The following RSBN1 variants were observed in gnomAD, a reference collection of about 807,000 sequenced individuals.
RSBN1 encodes round spermatid basic protein 1, also known as lysine-specific demethylase 9.
A neutral mutation model predicts 74.8 loss-of-function variants in RSBN1; 23 were observed. The observed-to-expected ratio is 0.31, with a 90% confidence interval of 0.22 to 0.44. The LOEUF is 0.44. Ranked by LOEUF, RSBN1 falls within the 20% of genes least tolerant of loss-of-function variation. The pLI is 1.00. For synonymous variants in RSBN1, 407 were observed against 379.6 expected (o/e 1.07, Z -0.84); for missense variants, 808 against 1,020.9 (o/e 0.79, Z 2.84).
intron 1 of RSBN1, among the ~76,000 whole-genome samples, chr1:113,804,338 T>G (rs1660654799): frequency 6.6e-6 from 1 of 152,314 alleles, no homozygotes; most frequent in East Asian, 1.9e-4. Flanking sequence ...TATTTTATTT[T>G]AATCCTCAAA....
intron 1 of RSBN1, among the ~76,000 whole-genome samples, chr1:113,803,311 A>C (rs1168619371): frequency 6.6e-6 from 1 of 152,214 alleles, no homozygotes; most frequent in Non-Finnish European, 1.5e-5. Flanking sequence ...ATGAACACCT[A>C]TCTACAGGTT....
At chr1:113,806,608 T>C (rs1217794248) in intron 1 of RSBN1, among the ~76,000 whole-genome samples, 1 of 151,570 alleles carries the variant, frequency 6.6e-6, no homozygotes, top group Non-Finnish European at 1.5e-5. Context: ...GTATGTTAGA[T>C]ATGATGCCAA....
intron 4 of RSBN1, among the ~76,000 whole-genome samples, chr1:113,773,440 T>C (rs1659919602): frequency 6.6e-6 from 1 of 151,964 alleles, no homozygotes; most frequent in South Asian, 2.1e-4. Context: ...ATGAGATCAC[T>C]TGAACCCGGG....
chr1:113,773,849 A>G (rs1331056235), intron 4 of RSBN1, among the ~76,000 whole-genome samples: 1 of 151,972 alleles, frequency 6.6e-6, no homozygotes, highest in Non-Finnish European at 1.5e-5. Flanking sequence ...CTAAAAATAC[A>G]AAAGTTAGCT....
intron 1 of RSBN1, among the ~76,000 whole-genome samples, chr1:113,806,319 C>G (rs1234964375): frequency 6.8e-6 from 1 of 146,526 alleles, no homozygotes; most frequent in Admixed American, 6.9e-5. Context: ...TGGCACAGAG[C>G]GAGACTCTGT....
At chr1:113,799,936 G>T (rs1660548645) in intron 1 of RSBN1, among the ~76,000 whole-genome samples, 3 of 151,870 alleles carry the variant, frequency 2.0e-5, no homozygotes, top group Admixed American at 2.0e-4. Flanking sequence ...CCAAACAATC[G>T]TTTTTTCTAA....
intron 4 of RSBN1, among the ~76,000 whole-genome samples, chr1:113,771,710 T>C (rs1204526514): frequency 7.0e-6 from 1 of 143,496 alleles, no homozygotes; most frequent in Non-Finnish European, 1.5e-5. Flanking sequence ...TCTAACCCTA[T>C]AAGCAGTAAG....
At chr1:113,768,168 C>T (rs983862401) in intron 5 of RSBN1, 54 bp downstream of exon 5, 4 of 1,435,470 alleles carry the variant, frequency 2.8e-6, no homozygotes, top group Non-Finnish European at 3.7e-6. Context: ...AAATAGAGTC[C>T]ACATTGTCTT....
chr1:113,803,351 G>A (rs374480345), intron 1 of RSBN1, among the ~76,000 whole-genome samples: 1 of 152,116 alleles, frequency 6.6e-6, no homozygotes, highest in Non-Finnish European at 1.5e-5. Context: ...TCAGCTCCTC[G>A]GGGTAAATAT....
At chr1:113,795,837 C>T (rs1456827506) in intron 2 of RSBN1, among the ~76,000 whole-genome samples, 2 of 152,106 alleles carry the variant, frequency 1.3e-5, no homozygotes, top group Non-Finnish European at 2.9e-5. Flanking sequence ...AAATTTGATC[C>T]ACTTTAACTA....
At chr1:113,810,404 C>T (rs990555330) in intron 1 of RSBN1, among the ~76,000 whole-genome samples, 1 of 151,790 alleles carries the variant, frequency 6.6e-6, no homozygotes, top group African/African-American at 2.4e-5. Context: ...CACACACACA[C>T]ACACACACAC....
intron 1 of RSBN1, among the ~76,000 whole-genome samples, chr1:113,803,550 T>C (rs1660633887): frequency 6.6e-6 from 1 of 152,230 alleles, no homozygotes; most frequent in Non-Finnish European, 1.5e-5. Flanking sequence ...TATCTCATTA[T>C]AAAATTAGTG....
chr1:113,774,050 C>T (rs962223376), intron 4 of RSBN1, among the ~76,000 whole-genome samples: 1 of 152,008 alleles, frequency 6.6e-6, no homozygotes, highest in Admixed American at 6.6e-5. Flanking sequence ...CACAAACATA[C>T]ATATCTACCA....
intron 2 of RSBN1, among the ~76,000 whole-genome samples, chr1:113,791,750 G>A (rs1571304879): frequency 6.6e-6 from 1 of 150,776 alleles, no homozygotes. Context: ...TTTTATTTAT[G>A]CCATTTTATT....
chr1:113,806,464 G>C (rs1660701022), intron 1 of RSBN1, among the ~76,000 whole-genome samples: 1 of 151,584 alleles, frequency 6.6e-6, no homozygotes, highest in Non-Finnish European at 1.5e-5. Flanking sequence ...TAGGCAAGAA[G>C]AAAAAAAATG....
At chr1:113,789,048 C>G (rs1484253309) in intron 2 of RSBN1, among the ~76,000 whole-genome samples, 2 of 152,106 alleles carry the variant, frequency 1.3e-5, no homozygotes, top group African/African-American at 4.8e-5. Context: ...TCCTAAACTC[C>G]TTGTTATCTC....
intron 4 of RSBN1, among the ~76,000 whole-genome samples, chr1:113,773,029 G>A (rs957463559): frequency 6.6e-6 from 1 of 151,660 alleles, no homozygotes; most frequent in Non-Finnish European, 1.5e-5. Context: ...AAAAACTTCT[G>A]TAAGTAAAGA....
At chr1:113,788,461 A>G (rs1308192363) in intron 2 of RSBN1, among the ~76,000 whole-genome samples, 2 of 152,054 alleles carry the variant, frequency 1.3e-5, no homozygotes, top group Non-Finnish European at 2.9e-5. Context: ...AATTTTTTTT[A>G]AAGAAAAATG....
chr1:113,774,545 C>CGGGAGGCTGTAGTCCCAGCTACTT (rs1659977817), intron 4 of RSBN1, among the ~76,000 whole-genome samples: 1 of 151,866 alleles, frequency 6.6e-6, no homozygotes, highest in South Asian at 2.1e-4. Context: ...GGCATCATAG[C>CGGGAGGCTGTAGTCCCAGCTACTT]GGGAGGCTGT....
Sources: allele counts gnomAD v4.1 joint callset (sites outside exome capture counted in the v4.1 genomes callset), GRCh38; gene constraint gnomAD v4.1.1; transcripts MANE v1.5; gene names NCBI Gene and HGNC (gene_info 2026-07-23, HGNC 2026-07-21).